CACNA2D3: variants seen among roughly 807,000 people sequenced by gnomAD.
The protein encoded by CACNA2D3 is voltage-dependent calcium channel subunit alpha-2/delta-3.
CACNA2D3 carries 60 observed loss-of-function variants against 160.6 expected under a neutral mutation model. The ratio of observed to expected loss-of-function variants is 0.37; its 90% CI spans 0.30 to 0.46. The LOEUF is 0.46. CACNA2D3 is among the 20% of genes least tolerant of loss of function. The probability of loss-of-function intolerance (pLI) is 1.00; values close to 1 mark genes in which losing one functional copy is unlikely to be tolerated. For missense variants in CACNA2D3, 1,205 were observed against 1,365.0 expected (o/e 0.88, Z 1.85); for synonymous variants, 558 against 492.9 (o/e 1.13, Z -1.75).
chr3:54,972,162 A>G (rs1017626675), intron 29 of CACNA2D3, among the ~76,000 whole-genome samples: 5 of 152,200 alleles, frequency 3.3e-5, no homozygotes, highest in Admixed American at 2.6e-4. Flanking sequence ...ACTGCTAACA[A>G]TGTTCTTTTA....
intron 13 of CACNA2D3, among the ~76,000 whole-genome samples, chr3:54,781,856 CA>C: frequency 6.6e-6 from 1 of 152,254 alleles, no homozygotes; most frequent in East Asian, 1.9e-4. Flanking sequence ...GCATTATTTG[CA>C]AGAGTCAGCT....
chr3:54,683,562 A>G (rs990370465), intron 11 of CACNA2D3, among the ~76,000 whole-genome samples: 1 of 152,194 alleles, frequency 6.6e-6, no homozygotes, highest in Non-Finnish European at 1.5e-5. Context: ...GGTGGCGAGC[A>G]TTGAAATAAT....
intron 3 of CACNA2D3, among the ~76,000 whole-genome samples, chr3:54,321,250 G>A (rs1043351796): frequency 2.0e-5 from 3 of 151,956 alleles, no homozygotes; most frequent in African/African-American, 7.3e-5. Context: ...AACCCAGGAG[G>A]CAGAGGTTGC....
intron 29 of CACNA2D3, among the ~76,000 whole-genome samples, chr3:54,978,672 C>T (rs1349536906): frequency 3.3e-5 from 5 of 152,154 alleles, no homozygotes. Context: ...ACTATTGGAA[C>T]CAAGCTGATA....
At chr3:54,584,752 GA>G (rs1295306904) in intron 9 of CACNA2D3, among the ~76,000 whole-genome samples, 2 of 151,900 alleles carry the variant, frequency 1.3e-5, no homozygotes, top group Admixed American at 1.3e-4. Context: ...AATTAGACAA[GA>G]AAAAAATCTA....
chr3:54,160,656 A>G (rs1700328123), intron 2 of CACNA2D3, among the ~76,000 whole-genome samples: 1 of 152,192 alleles, frequency 6.6e-6, no homozygotes, highest in African/African-American at 2.4e-5. Flanking sequence ...ATTGTCATAT[A>G]TGTTTTTAGG....
intron 9 of CACNA2D3, among the ~76,000 whole-genome samples, chr3:54,611,029 A>G (rs1698739991): frequency 6.6e-6 from 1 of 152,176 alleles, no homozygotes; most frequent in African/African-American, 2.4e-5. Context: ...TTCATGTCCC[A>G]GTCTTATCCC....
At chr3:55,058,630 T>TG (rs1337842464) in intron 35 of CACNA2D3, among the ~76,000 whole-genome samples, 3 of 150,676 alleles carry the variant, frequency 2.0e-5, no homozygotes, top group African/African-American at 7.3e-5. Flanking sequence ...TATATATATG[T>TG]TTTTTTTAAA....
chr3:54,278,008 A>C lies in CACNA2D3; in HGVS notation c.205-42434A>C, dbSNP rs377717659. On this transcript the variant is annotated intron_variant, in intron 2 of 37. Coordinates refer to ENST00000474759, the MANE Select transcript of CACNA2D3 (RefSeq NM_018398.3). ...TGGACAAATGGGATCTAATTAAACT[A>C]AAGAAGCTTTTGCACAGCAAAAGAA... Among the ~76,000 whole-genome samples the C allele has an allele frequency of 1.8e-4, 27 of 152,362 alleles. No individual in the cohort carries two copies. In the East Asian group the frequency reaches 4.2e-3, roughly 24 times the overall value.
chr3:54,147,123 A>G (rs1332062006), intron 2 of CACNA2D3, among the ~76,000 whole-genome samples: 3 of 152,224 alleles, frequency 2.0e-5, no homozygotes, highest in African/African-American at 7.2e-5. Context: ...TAAATGTCAG[A>G]GTGAGAGCTG....
chr3:55,019,193 A>T (rs1703394971), intron 35 of CACNA2D3, among the ~76,000 whole-genome samples: 1 of 151,860 alleles, frequency 6.6e-6, no homozygotes, highest in South Asian at 2.1e-4. Context: ...ATACCTATAT[A>T]TCAATACCGT....
chr3:54,723,994 G>A (rs1458296726), intron 11 of CACNA2D3, among the ~76,000 whole-genome samples: 1 of 152,130 alleles, frequency 6.6e-6, no homozygotes, highest in African/African-American at 2.4e-5. Flanking sequence ...AAAGAGTCAA[G>A]ACCCATCAGT....
At chr3:54,568,034 A>G (rs78097434) in intron 6 of CACNA2D3, among the ~76,000 whole-genome samples, 188 of 152,370 alleles carry the variant, frequency 1.2e-3, no homozygotes, top group South Asian at 2.3e-3. Context: ...GTTCCATTAC[A>G]CAGTCTCAGA....
At chr3:54,218,081 T>TAG (rs763939453) in intron 2 of CACNA2D3, among the ~76,000 whole-genome samples, 67 of 151,836 alleles carry the variant, frequency 4.4e-4, no homozygotes, top group Non-Finnish European at 5.7e-4. Flanking sequence ...AGAGGTGCGT[T>TAG]AGAGAGAGAG....
chr3:54,221,830 A>C (rs1387657587), intron 2 of CACNA2D3, among the ~76,000 whole-genome samples: 1 of 151,964 alleles, frequency 6.6e-6, no homozygotes, highest in Non-Finnish European at 1.5e-5. Context: ...TTGTACAGTT[A>C]CTTTTTATTT....
At chr3:55,067,609 G>A (rs1350843025) in intron 35 of CACNA2D3, among the ~76,000 whole-genome samples, 1 of 152,132 alleles carries the variant, frequency 6.6e-6, no homozygotes, top group Admixed American at 6.5e-5. Flanking sequence ...TGGAGTTCAA[G>A]TGTCCCTTGA....
At chr3:54,782,711 A>C (rs968835141) in intron 13 of CACNA2D3, among the ~76,000 whole-genome samples, 1 of 152,110 alleles carries the variant, frequency 6.6e-6, no homozygotes, top group African/African-American at 2.4e-5. Flanking sequence ...GAAAAAAAAA[A>C]GTCTACTGAA....
chr3:54,809,276 C>CTT (rs1012052420), intron 13 of CACNA2D3, among the ~76,000 whole-genome samples: 19 of 139,344 alleles, frequency 1.4e-4, no homozygotes, highest in African/African-American at 5.1e-4. Flanking sequence ...TCCTTTATCT[C>CTT]TTTCTTCTCT....
intron 4 of CACNA2D3, among the ~76,000 whole-genome samples, chr3:54,471,870 A>G (rs980726585): frequency 1.3e-5 from 2 of 152,190 alleles, no homozygotes; most frequent in African/African-American, 4.8e-5. Context: ...GAATCCCTAA[A>G]CAGAGTAGTA....
Sources: gnomAD v4.1 joint callset for allele counts (sites outside exome capture counted in the v4.1 genomes callset) on GRCh38, gnomAD v4.1.1 for gene constraint, MANE v1.5 for transcripts, NCBI Gene and HGNC (gene_info 2026-07-23, HGNC 2026-07-21) for gene names.